Variants in CLEC17A observed in about 807,000 individuals in gnomAD.
CLEC17A encodes C-type lectin domain containing 17A, also known as C-type lectin domain family 17, member A.
CLEC17A carries 37 observed loss-of-function variants against 61.3 expected under a neutral mutation model. That is an observed-to-expected ratio of 0.60 (90% CI 0.46 to 0.79). The LOEUF is 0.79. CLEC17A is among the 30% of genes least tolerant of loss of function. CLEC17A has a pLI of 0.00. For synonymous variants in CLEC17A, 168 were observed against 164.9 expected (o/e 1.02, Z -0.14); for missense variants, 418 against 464.7 (o/e 0.90, Z 0.92).
chr19:14,598,826 G>T (rs539102576), intron 10 of CLEC17A, among the ~76,000 whole-genome samples: 1 of 152,172 alleles, frequency 6.6e-6, no homozygotes, highest in African/African-American at 2.4e-5. Flanking sequence ...CAGTCATGAT[G>T]TCATGTACCT....
In CLEC17A at chr19:14,607,035, C is replaced by T. The variant is rs2074897161; in HGVS notation, c.937C>T (p.Leu313=). ...KAHGSPRVYW[L]GLNDRAQEGD... ...CCATGGCTCTCCACGGGTGTACTGG[C>T]TGGGGCTGAATGACAGGGCCCAGGA... Residue 313 remains leucine (L), a synonymous_variant, in exon 13 of 14, where the codon CTG becomes TTG. Coordinates refer to ENST00000417570, the MANE Select transcript of CLEC17A (RefSeq NM_001204118.2). The T allele has an allele frequency of 1.5e-6, 2 of 1,340,988 alleles. No homozygotes were observed. Among genetic ancestry groups the T allele is most frequent in the Admixed American group, 3.1e-5 (1 of 31,890 alleles). The allele number at this position is 1,340,988 out of a possible 1,614,324, so 83.1% of individuals were successfully genotyped here. A position where few individuals can be genotyped will look rare whatever the true frequency, so the allele number is the denominator to read the frequency against.
chr19:14,591,898 A>ATGTGTGTGTGTGTGTG (rs747656450), intron 3 of CLEC17A, among the ~76,000 whole-genome samples: 3,051 of 138,772 alleles, frequency 0.022, 33 homozygotes, highest in African/African-American at 0.049. Flanking sequence ...CCGGAGAAAA[A>ATGTGTGTGTGTGTGTG]TGTGTGTGTG....
chr19:14,607,601 G>A (rs914307650), intron 13 of CLEC17A, among the ~76,000 whole-genome samples: 4 of 145,434 alleles, frequency 2.8e-5, no homozygotes, highest in Admixed American at 2.1e-4. Context: ...TCTTTGAGAC[G>A]GAGTCTCGCT....
intron 12 of CLEC17A, among the ~76,000 whole-genome samples, chr19:14,604,243 C>T (rs1057084633): frequency 1.3e-5 from 2 of 152,252 alleles, no homozygotes; most frequent in East Asian, 3.9e-4. Flanking sequence ...TCTCCAAACC[C>T]ATCTGGGGTT....
chr19:14,581,300 C>T (rs548122951), upstream of CLEC17A, among the ~76,000 whole-genome samples: 74 of 152,222 alleles, frequency 4.9e-4, no homozygotes, highest in African/African-American at 1.8e-3. Flanking sequence ...TTGAGTGACT[C>T]GGAACCACAG....
At chr19:14,605,509 A>AT (rs1295828605) in intron 12 of CLEC17A, among the ~76,000 whole-genome samples, 1 of 152,180 alleles carries the variant, frequency 6.6e-6, no homozygotes, top group African/African-American at 2.4e-5. Flanking sequence ...ACTTTGACAA[A>AT]TGCGTACACC....
At chr19:14,599,902 T>A in intron 11 of CLEC17A, 90 bp downstream of exon 11, 1 of 1,480,980 alleles carries the variant, frequency 6.8e-7, no homozygotes, top group Non-Finnish European at 9.2e-7. Context: ...CTCAGTGCAG[T>A]CTATGTGAAT....
chr19:14,586,614 A>G (rs1299343706), intron 2 of CLEC17A, among the ~76,000 whole-genome samples: 1 of 151,260 alleles, frequency 6.6e-6, no homozygotes, highest in African/African-American at 2.4e-5. Context: ...TTTTACAGAG[A>G]TAGGGTCTTG....
chr19:14,594,796 A>G lies in CLEC17A; in HGVS notation c.399A>G (p.Gln133=), dbSNP rs1360329756. 1.2e-6 allele frequency: 2 copies of G among 1,613,516 alleles called. No homozygotes were observed. The highest frequency in any genetic ancestry group is 1.7e-6 in the Non-Finnish European group (2 of 1,179,624). The part of the protein sequence containing the change: ...DLAAVTCPPP[Q]LAVNLEPSPL... ...CCGCTGTCACCTGTCCACCTCCTCA[A>G]CTGGGTGAGCAGTGGGAAGACCCTT... The change falls in exon 7 of 14, where the codon CAA becomes CAG. Residue 133 remains glutamine, a synonymous_variant. Coordinates refer to ENST00000417570, the MANE Select transcript of CLEC17A (RefSeq NM_001204118.2).
rs2074497340 is a variant in CLEC17A at position 14,594,546 on chromosome 19, G to A, written c.307G>A (p.Ala103Thr). 1.9e-6 allele frequency: 3 copies of A among 1,607,838 alleles called. No individual in the cohort carries two copies. Among genetic ancestry groups the A allele is most frequent in the Non-Finnish European group, 2.5e-6 (3 of 1,177,396 alleles). ...AAGTGCTCCACCAAGACCTCCAAGGGCAGGTGAGTTGGGGCTGGGGGTGTA... is the reference window on the plus strand; with the variant it reads ...AAGTGCTCCACCAAGACCTCCAAGGACAGGTGAGTTGGGGCTGGGGGTGTA... ...GSSAPPRPPR[A>T]AKETEKPPLP... Residue 103 changes from alanine to threonine, a missense_variant, in exon 5 of 14, where the codon GCA becomes ACA. Physicochemically the swap from Ala to Thr is moderately conservative, Grantham distance 58. Coordinates refer to ENST00000417570, the MANE Select transcript of CLEC17A (RefSeq NM_001204118.2).
At chr19:14,597,680 C>T (rs1261665041) in intron 10 of CLEC17A, among the ~76,000 whole-genome samples, 1 of 152,198 alleles carries the variant, frequency 6.6e-6, no homozygotes, top group Non-Finnish European at 1.5e-5. Flanking sequence ...TGAGGTTGAT[C>T]ATGAGCCATG....
intron 3 of CLEC17A, 39 bp from the exon 4 acceptor site, chr19:14,592,242 A>C (rs1293708096): frequency 6.5e-7 from 1 of 1,540,870 alleles, no homozygotes; most frequent in Non-Finnish European, 8.8e-7. Context: ...TGGAGGGAGG[A>C]GGGAATGGCT....
chr19:14,602,084 G>A (rs771037610), intron 12 of CLEC17A, among the ~76,000 whole-genome samples: 6 of 151,578 alleles, frequency 4.0e-5, no homozygotes, highest in Non-Finnish European at 8.8e-5. Flanking sequence ...GAGCCACCGC[G>A]CCTGGCCCAG....
intron 3 of CLEC17A, among the ~76,000 whole-genome samples, chr19:14,592,069 G>A (rs116815122): frequency 6.6e-6 from 1 of 152,184 alleles, no homozygotes; most frequent in African/African-American, 2.4e-5. Flanking sequence ...TCATGTTCCT[G>A]GTGTTAGCTG....
intron 13 of CLEC17A, among the ~76,000 whole-genome samples, chr19:14,609,139 G>A (rs764834114): frequency 3.3e-5 from 5 of 152,014 alleles, no homozygotes; most frequent in Admixed American, 6.6e-5. Flanking sequence ...TGCTTTTTCC[G>A]CAAAGCTATT....
chr19:14,597,855 C>T (rs1262498512), intron 10 of CLEC17A, among the ~76,000 whole-genome samples: 3 of 152,194 alleles, frequency 2.0e-5, no homozygotes, highest in African/African-American at 7.2e-5. Context: ...CCTCCTGCCG[C>T]AGCCTCCTGA....
At chr19:14,588,451 T>G (rs899815173) in intron 3 of CLEC17A, 1 of 151,698 alleles carries the variant, frequency 6.6e-6, no homozygotes, top group Admixed American at 6.6e-5. Flanking sequence ...TATTGTGAAG[T>G]ATGTGATTGG....
chr19:14,605,609 C>T (rs2074842303), intron 12 of CLEC17A, among the ~76,000 whole-genome samples: 2 of 152,158 alleles, frequency 1.3e-5, no homozygotes, highest in Non-Finnish European at 2.9e-5. Flanking sequence ...TCCCTCCCTG[C>T]CCCCTACTTG....
In CLEC17A at chr19:14,610,555, C is replaced by T. The variant is rs745355048; in HGVS notation, c.*359C>T. 8 of 203,550 alleles carry T rather than the reference C, an allele frequency of 3.9e-5. No individual in the cohort carries two copies. The highest frequency in any genetic ancestry group is 9.2e-5 in the African/African-American group (4 of 43,272). The allele number at this position is 203,550 out of a possible 1,614,324, so 12.6% of individuals were successfully genotyped here. A position where few individuals can be genotyped will look rare whatever the true frequency, so the allele number is the denominator to read the frequency against. On this transcript the variant is annotated 3_prime_UTR_variant, in exon 14 of 14. Transcript: ENST00000417570. Reference sequence around the variant, plus strand: ...TTGAACCTGGGATGAAATATCCTGGCGCCTGTGAACCACAAAGAGCTGGGA... The same window carrying T: ...TTGAACCTGGGATGAAATATCCTGGTGCCTGTGAACCACAAAGAGCTGGGA...
Sources: allele counts gnomAD v4.1 joint callset (sites outside exome capture counted in the v4.1 genomes callset), GRCh38; gene constraint gnomAD v4.1.1; transcripts MANE v1.5; gene names NCBI Gene and HGNC (gene_info 2026-07-23, HGNC 2026-07-21).